The following TLL2 variants were observed in gnomAD, a reference collection of about 807,000 sequenced individuals.
TLL2 encodes tolloid-like protein 2.
A neutral mutation model predicts 123.0 loss-of-function variants in TLL2; 106 were observed. The ratio of observed to expected loss-of-function variants is 0.86; its 90% CI spans 0.74 to 1.01. The LOEUF is 1.01. TLL2 is among the 50% of genes least tolerant of loss of function. The probability of loss-of-function intolerance (pLI) is 0.00; values close to 1 mark genes in which losing one functional copy is unlikely to be tolerated. For synonymous variants in TLL2, 494 were observed against 516.8 expected, an observed-to-expected ratio of 0.96 and a Z score of 0.60; for missense variants, 1,332 against 1,336.7, an observed-to-expected ratio of 1.00 and a Z score of 0.06.
intron 2 of TLL2, among the ~76,000 whole-genome samples, chr10:96,452,396 G>T (rs1846969689): frequency 6.6e-6 from 1 of 152,186 alleles, no homozygotes; most frequent in Non-Finnish European, 1.5e-5. Flanking sequence ...TGGAGCTGGG[G>T]CTGGCGAGCA....
chr10:96,460,664 C>T (rs1166831565), intron 2 of TLL2, among the ~76,000 whole-genome samples: 1 of 152,204 alleles, frequency 6.6e-6, no homozygotes, highest in East Asian at 1.9e-4. Context: ...CCTGTTTTCT[C>T]TTCGCCTTCC....
In TLL2 at chr10:96,439,831, G is replaced by A. The variant is rs146832516; in HGVS notation, c.364+6260C>T. Among the ~76,000 whole-genome samples, 136 of 152,178 alleles carry A rather than the reference G, an allele frequency of 8.9e-4. 1 individual carries two copies. Among genetic ancestry groups the A allele is most frequent in the African/African-American group, 3.0e-3 (123 of 41,516 alleles). On this transcript the variant is annotated intron_variant, in intron 3 of 20. Coordinates refer to ENST00000357947, the MANE Select transcript of TLL2 (RefSeq NM_012465.4). ...TGCAGTGCTGGGATAAACCCAACCC[G>A]CAGATGTGTTTCTGTTTGGCCTGGA... is the stretch of plus-strand genomic sequence containing the variant.
At chr10:96,419,611 A>G (rs1430674717) in intron 7 of TLL2, among the ~76,000 whole-genome samples, 1 of 152,202 alleles carries the variant, frequency 6.6e-6, no homozygotes, top group African/African-American at 2.4e-5. Flanking sequence ...AACTCCACCC[A>G]TGATAGCTCA....
intron 8 of TLL2, among the ~76,000 whole-genome samples, chr10:96,410,966 G>T (rs1430104830): frequency 6.6e-6 from 1 of 152,148 alleles, no homozygotes; most frequent in African/African-American, 2.4e-5. Flanking sequence ...TAGAGGCCAG[G>T]CGTGGTGGCT....
chr10:96,401,099 A>C (rs1277950915), intron 10 of TLL2, among the ~76,000 whole-genome samples: 1 of 152,170 alleles, frequency 6.6e-6, no homozygotes, highest in African/African-American at 2.4e-5. Flanking sequence ...TTAGAGGAGG[A>C]GTTTAATAAG....
intron 9 of TLL2, among the ~76,000 whole-genome samples, chr10:96,406,957 C>G (rs1846457351): frequency 6.6e-6 from 1 of 152,062 alleles, no homozygotes; most frequent in Non-Finnish European, 1.5e-5. Context: ...CTCCTCCTGC[C>G]TCACCCCCTC....
intron 7 of TLL2, among the ~76,000 whole-genome samples, chr10:96,413,627 G>T (rs1029920227): frequency 6.6e-6 from 1 of 152,166 alleles, no homozygotes; most frequent in African/African-American, 2.4e-5. Context: ...GCCCTGACAG[G>T]TCCAGACCCC....
Position 96,503,629 on chromosome 10 carries a change from T to A in TLL2, c.175+9882A>T, listed in dbSNP as rs1465393066. Among the ~76,000 whole-genome samples, 3 of 152,146 alleles carry A rather than the reference T, an allele frequency of 2.0e-5. No individual in the cohort carries two copies. The East Asian group carries it at 5.8e-4, about 29-fold the overall frequency. On this transcript the variant is annotated intron_variant, in intron 1 of 20. Transcript: ENST00000357947. ...GAGGTGAGGAGAGTGGTTGGACCCA[T>A]CACCCTCAACTGACCTGATACCCAT...
At position 96,513,548 on chromosome 10, in the gene TLL2, C is replaced by T. The variant is rs759621549; in HGVS notation, c.138G>A (p.Glu46=). The T allele has an allele frequency of 1.2e-6, 2 of 1,612,390 alleles. No individual in the cohort carries two copies. The highest frequency in any genetic ancestry group is 1.3e-5 in the African/African-American group (1 of 74,992). Reference sequence around the variant, plus strand: ...GGTCGTGGTAATGCTCCAGCTGCTGCTCCGTGCCCTCCTCGCCGTCCAGCT... The same window carrying T: ...GGTCGTGGTAATGCTCCAGCTGCTGTTCCGTGCCCTCCTCGCCGTCCAGCT... The part of the protein sequence containing the change: ...YSELDGEEGT[E]QQLEHYHDPC... Residue 46 remains glutamate, a synonymous_variant, in exon 1 of 21, where the codon GAG becomes GAA. Coordinates refer to ENST00000357947, the MANE Select transcript of TLL2 (RefSeq NM_012465.4).
Position 96,395,370 on chromosome 10 carries a change from C to T in TLL2, c.1543G>A (p.Asp515Asn), listed in dbSNP as rs542313339. ...TFQAFEIERH[D>N]SCAYDYLEVR... is the part of the protein sequence containing the mutation. ...TCCAGGTAGTCATATGCACAGCTGT[C>T]GTGCCTTTCAATCTAAAGGAAGAAA... Residue 515 changes from aspartate (D) to asparagine (N), a missense_variant, in exon 13 of 21, where the codon GAC (aspartate) becomes AAC (asparagine). Physicochemically the swap from Asp to Asn is conservative, Grantham distance 23 (BLOSUM62 1). Coordinates refer to ENST00000357947, the MANE Select transcript of TLL2 (RefSeq NM_012465.4). The T allele has an allele frequency of 4.4e-6, 7 of 1,590,354 alleles. No individual in the cohort carries two copies. The highest frequency in any genetic ancestry group is 3.4e-5 in the South Asian group (3 of 87,486).
chr10:96,449,903 G>A (rs1490720402), intron 2 of TLL2, among the ~76,000 whole-genome samples: 3 of 152,116 alleles, frequency 2.0e-5, no homozygotes, highest in East Asian at 3.8e-4. Context: ...CCGCCCCCCT[G>A]CTCCTCTTGG....
intron 16 of TLL2, among the ~76,000 whole-genome samples, chr10:96,383,441 G>A (rs1232868534): frequency 2.0e-5 from 3 of 152,070 alleles, no homozygotes; most frequent in Non-Finnish European, 2.9e-5. Context: ...CTGTTCTTGT[G>A]GTGGTGAATA....
chr10:96,424,322 T>C (rs1197743369), intron 5 of TLL2, among the ~76,000 whole-genome samples: 2 of 152,212 alleles, frequency 1.3e-5, no homozygotes, highest in East Asian at 3.8e-4. Flanking sequence ...GTAACTGGAT[T>C]GTTTGTAAGA....
intron 16 of TLL2, among the ~76,000 whole-genome samples, 172 bp downstream of exon 16, chr10:96,384,415 C>T (rs1163104769): frequency 6.6e-6 from 1 of 152,154 alleles, no homozygotes; most frequent in African/African-American, 2.4e-5. Context: ...AACACAGCCA[C>T]CAATAGATAT....
intron 3 of TLL2, among the ~76,000 whole-genome samples, chr10:96,436,524 T>C (rs116003993): frequency 0.015 from 2,277 of 152,322 alleles, 56 homozygotes; most frequent in African/African-American, 0.049. Flanking sequence ...TTCTCTATCC[T>C]TAATTTTTGC....
In TLL2 at chr10:96,507,092, G is replaced by T. The variant is rs74850958; in HGVS notation, c.175+6419C>A. ...CTCCCAGAGCAGCCCCCTCCAAGAGGGGCCTGATACGTCTTCCTTCCTGGT... is the reference window on the plus strand; with the variant it reads ...CTCCCAGAGCAGCCCCCTCCAAGAGTGGCCTGATACGTCTTCCTTCCTGGT... On this transcript the variant is annotated intron_variant, in intron 1 of 20. Transcript: ENST00000357947. Among the ~76,000 whole-genome samples, 8 of 152,160 alleles carry T rather than the reference G, an allele frequency of 5.3e-5. 1 individual carries two copies. The East Asian group carries it at 1.4e-3, about 26-fold the overall frequency.
intron 1 of TLL2, among the ~76,000 whole-genome samples, chr10:96,497,912 C>G (rs985893969): frequency 6.6e-6 from 1 of 152,258 alleles, no homozygotes; most frequent in Admixed American, 6.5e-5. Flanking sequence ...ATGCCAACAC[C>G]TTTCACTGCT....
intron 10 of TLL2, among the ~76,000 whole-genome samples, chr10:96,403,607 G>A (rs971324305): frequency 1.3e-5 from 2 of 152,106 alleles, no homozygotes; most frequent in Non-Finnish European, 2.9e-5. Flanking sequence ...TTGAAAGCGG[G>A]GTATTGTCTC....
At chr10:96,423,388 C>T (rs908125379) in intron 5 of TLL2, among the ~76,000 whole-genome samples, 8 of 152,178 alleles carry the variant, frequency 5.3e-5, no homozygotes, top group African/African-American at 1.2e-4. Context: ...AGAAGAGTCA[C>T]GGGAAGGAGG....
Sources: allele counts gnomAD v4.1 joint callset (sites outside exome capture counted in the v4.1 genomes callset), GRCh38; gene constraint gnomAD v4.1.1; transcripts MANE v1.5; gene names NCBI Gene and HGNC (gene_info 2026-07-23, HGNC 2026-07-21).